LHFPL6: variants seen among roughly 807,000 people sequenced by gnomAD.
LHFPL6 encodes LHFPL tetraspan subfamily member 6 protein.
A neutral mutation model predicts 20.6 loss-of-function variants in LHFPL6; 9 were observed. The ratio of observed to expected loss-of-function variants is 0.44; its 90% CI spans 0.26 to 0.76. LHFPL6 has a LOEUF of 0.76. Among genes scored for constraint, LHFPL6 ranks in the 30% least tolerant of loss-of-function variants. The pLI, the probability that LHFPL6 is intolerant of heterozygous loss-of-function variation, is 0.20. For synonymous variants in LHFPL6, 105 were observed against 98.7 expected (o/e 1.06, Z -0.38); for missense variants, 218 against 253.5 (o/e 0.86, Z 0.95).
intron 2 of LHFPL6, among the ~76,000 whole-genome samples, chr13:39,388,697 T>C (rs2138368591): frequency 6.6e-6 from 1 of 152,288 alleles, no homozygotes; most frequent in South Asian, 2.1e-4. Context: ...TACATTAGGA[T>C]GCACAGTGTT....
intron 3 of LHFPL6, 41 bp from the exon 4 acceptor site, chr13:39,344,095 G>A (rs748147953): frequency 1.3e-6 from 2 of 1,536,140 alleles, no homozygotes; most frequent in Admixed American, 3.4e-5. Context: ...TCACAGATGA[G>A]GATGATTTTG....
chr13:39,349,241 T>A (rs1019725811), intron 3 of LHFPL6, among the ~76,000 whole-genome samples: 1 of 152,234 alleles, frequency 6.6e-6, no homozygotes, highest in Non-Finnish European at 1.5e-5. Context: ...GAATTTGTTC[T>A]AGTATTACAA....
At chr13:39,408,368 T>C (rs1367622957) in intron 2 of LHFPL6, among the ~76,000 whole-genome samples, 1 of 152,204 alleles carries the variant, frequency 6.6e-6, no homozygotes, top group African/African-American at 2.4e-5. Context: ...AATGAAGATA[T>C]CTTTTCATCC....
chr13:39,595,292 A>G (rs148738235), intron 2 of LHFPL6, among the ~76,000 whole-genome samples: 2 of 152,070 alleles, frequency 1.3e-5, no homozygotes, highest in African/African-American at 4.8e-5. Flanking sequence ...CCTGTAGTGT[A>G]TCTTCCTTTC....
intron 2 of LHFPL6, among the ~76,000 whole-genome samples, chr13:39,583,182 T>TA (rs1872343040): frequency 6.7e-6 from 1 of 149,810 alleles, no homozygotes; most frequent in Non-Finnish European, 1.5e-5. Flanking sequence ...TTTTTTTTTT[T>TA]TTTTTTTTTA....
intron 2 of LHFPL6, among the ~76,000 whole-genome samples, chr13:39,479,168 C>T (rs992364259): frequency 6.9e-6 from 1 of 144,612 alleles, no homozygotes; most frequent in Admixed American, 7.0e-5. Flanking sequence ...TGTATATATA[C>T]AATTCTCTTT....
chr13:39,441,615 T>A (rs1010812890), intron 2 of LHFPL6, among the ~76,000 whole-genome samples: 4 of 151,402 alleles, frequency 2.6e-5, no homozygotes, highest in African/African-American at 7.3e-5. Flanking sequence ...TGGGCTCAAG[T>A]GATCCTCCCA....
At chr13:39,524,432 A>G (rs1360692017) in intron 2 of LHFPL6, among the ~76,000 whole-genome samples, 1 of 152,160 alleles carries the variant, frequency 6.6e-6, no homozygotes, top group Non-Finnish European at 1.5e-5. Context: ...AAGATTAATT[A>G]CAATTTCTAT....
chr13:39,550,497 G>C (rs1175145124), intron 2 of LHFPL6, among the ~76,000 whole-genome samples: 1 of 152,010 alleles, frequency 6.6e-6, no homozygotes, highest in Non-Finnish European at 1.5e-5. Flanking sequence ...TTGTATATTG[G>C]AGTGATAAGA....
rs1164847877 is a variant in LHFPL6 at position 39,593,207 on chromosome 13, G to T, written c.385+7625C>A. On this transcript the variant is annotated intron_variant, in intron 2 of 3. Transcript: ENST00000379589. The stretch of plus-strand genomic sequence containing the variant: ...GTCCCTGTTTGCAGATGATATGATT[G>T]TATATCTAGAAAAGCCCATTGTCTC... 2.6e-5 allele frequency among the ~76,000 whole-genome samples: 4 copies of T among 152,294 alleles called. No individual in the cohort carries two copies. In the East Asian group the frequency reaches 7.7e-4, roughly 29 times the overall value.
chr13:39,369,275 TGAA>T (rs1435533478), intron 3 of LHFPL6, among the ~76,000 whole-genome samples: 2 of 152,076 alleles, frequency 1.3e-5, no homozygotes, highest in Non-Finnish European at 2.9e-5. Flanking sequence ...AGCCACTGAA[TGAA>T]GCTTTACAAA....
At chr13:39,586,567 A>T (rs1204669966) in intron 2 of LHFPL6, among the ~76,000 whole-genome samples, 1 of 152,228 alleles carries the variant, frequency 6.6e-6, no homozygotes, top group Non-Finnish European at 1.5e-5. Context: ...ACTTATATAA[A>T]CAGAGATATA....
chr13:39,468,810 T>G (rs571286049), intron 2 of LHFPL6, among the ~76,000 whole-genome samples: 1 of 152,102 alleles, frequency 6.6e-6, no homozygotes, highest in Non-Finnish European at 1.5e-5. Context: ...CAATCTTGAT[T>G]TCATAGGGGA....
intron 2 of LHFPL6, among the ~76,000 whole-genome samples, chr13:39,441,702 T>C (rs1387430190): frequency 6.6e-6 from 1 of 151,554 alleles, no homozygotes; most frequent in Non-Finnish European, 1.5e-5. Flanking sequence ...TTTGTAGAGA[T>C]AGGATTTCAG....
intron 2 of LHFPL6, among the ~76,000 whole-genome samples, chr13:39,430,899 C>T (rs1871777795): frequency 1.3e-5 from 2 of 152,342 alleles, no homozygotes; most frequent in African/African-American, 4.8e-5. Context: ...CGGCAACCTG[C>T]TCAGGTCCCC....
At chr13:39,596,014 G>T (rs1872760605) in intron 2 of LHFPL6, among the ~76,000 whole-genome samples, 2 of 152,046 alleles carry the variant, frequency 1.3e-5, no homozygotes, top group African/African-American at 4.8e-5. Context: ...TCCACTGCAT[G>T]CAAACTTCAG....
At chr13:39,551,941 T>A (rs59042863) in intron 2 of LHFPL6, among the ~76,000 whole-genome samples, 2,652 of 152,300 alleles carry the variant, frequency 0.017, 74 homozygotes, top group African/African-American at 0.061. Flanking sequence ...GCCCTCTGTA[T>A]CTAAAAGTTT....
intron 2 of LHFPL6, among the ~76,000 whole-genome samples, chr13:39,581,343 A>G (rs1341849321): frequency 6.6e-6 from 1 of 152,136 alleles, no homozygotes; most frequent in Non-Finnish European, 1.5e-5. Context: ...CACACAGGGA[A>G]GAAGAGCTCA....
chr13:39,526,354 G>A (rs1212506163), intron 2 of LHFPL6, among the ~76,000 whole-genome samples: 4 of 152,180 alleles, frequency 2.6e-5, no homozygotes, highest in African/African-American at 4.8e-5. Context: ...GGCAGGGGTT[G>A]GAGGGAGAAA....
Sources: gnomAD v4.1 joint callset for allele counts (sites outside exome capture counted in the v4.1 genomes callset) on GRCh38, gnomAD v4.1.1 for gene constraint, MANE v1.5 for transcripts, NCBI Gene and HGNC (gene_info 2026-07-23, HGNC 2026-07-21) for gene names.